The following RASGRP3 variants were observed in gnomAD, a reference collection of about 807,000 sequenced individuals.
The protein encoded by RASGRP3 is ras guanyl-releasing protein 3.
In RASGRP3, 54 loss-of-function variants were observed where a neutral mutation model predicts 82.7. That is an observed-to-expected ratio of 0.65 (90% confidence interval 0.52 to 0.82). The LOEUF is 0.82. RASGRP3 is among the 40% of genes least tolerant of loss of function. RASGRP3 has a pLI of 0.00. For synonymous variants in RASGRP3, 309 were observed against 300.5 expected, an observed-to-expected ratio of 1.03 and a Z score of -0.29; for missense variants, 861 against 828.9, an observed-to-expected ratio of 1.04 and a Z score of -0.48.
chr2:33,560,143 C>G (rs181488001), intron 17 of RASGRP3, among the ~76,000 whole-genome samples: 2 of 152,300 alleles, frequency 1.3e-5, no homozygotes, highest in East Asian at 3.9e-4. Context: ...AGTATACTCA[C>G]AAAGTTGTGC....
chr2:33,530,888 T>C (rs1673056248), intron 10 of RASGRP3: 1 of 152,224 alleles, frequency 6.6e-6, no homozygotes, highest in African/African-American at 2.4e-5. Flanking sequence ...GACATTTGCC[T>C]TACATCCCAA....
At chr2:33,495,347 A>G (rs1669210094) in intron 1 of RASGRP3, among the ~76,000 whole-genome samples, 1 of 152,236 alleles carries the variant, frequency 6.6e-6, no homozygotes, top group Non-Finnish European at 1.5e-5. Context: ...CATAAGGAGC[A>G]TATAACTTAG....
chr2:33,502,023 A>T (rs181522208), intron 1 of RASGRP3, among the ~76,000 whole-genome samples: 45 of 152,282 alleles, frequency 3.0e-4, no homozygotes, highest in Admixed American at 1.1e-3. Flanking sequence ...ACAGAGCTTG[A>T]TTTGGGTGGT....
At chr2:33,470,875 C>T (rs6714693) in intron 2 of RASGRP3, among the ~76,000 whole-genome samples, 80,306 of 151,892 alleles carry the variant, frequency 0.53, 22,094 homozygotes, top group Non-Finnish European at 0.59. Flanking sequence ...ATGAATATTA[C>T]TCAATCTGCA....
chr2:33,553,644 C>T (rs1368233327), intron 14 of RASGRP3, among the ~76,000 whole-genome samples: 1 of 152,198 alleles, frequency 6.6e-6, no homozygotes, highest in Non-Finnish European at 1.5e-5. Context: ...ATGCCCCTCT[C>T]TCTTCCAGCC....
At chr2:33,496,539 G>C (rs1487938237) in intron 1 of RASGRP3, among the ~76,000 whole-genome samples, 1 of 152,164 alleles carries the variant, frequency 6.6e-6, no homozygotes, top group African/African-American at 2.4e-5. Context: ...TAGATGACAT[G>C]AGGAATTTTC....
At chr2:33,559,707 C>T (rs1676437883) in intron 17 of RASGRP3, 1 of 498,544 alleles carries the variant, frequency 2.0e-6, no homozygotes, top group African/African-American at 1.9e-5. Flanking sequence ...GCATGATATT[C>T]CTAACATTTA....
At chr2:33,546,856 C>G (rs1333035654) in intron 13 of RASGRP3, among the ~76,000 whole-genome samples, 1 of 151,974 alleles carries the variant, frequency 6.6e-6, no homozygotes, top group Non-Finnish European at 1.5e-5. Context: ...ACACCTGAGT[C>G]GGGAGCTCGA....
intron 2 of RASGRP3, among the ~76,000 whole-genome samples, chr2:33,461,135 C>G (rs1437512035): frequency 6.6e-6 from 1 of 152,208 alleles, no homozygotes; most frequent in Non-Finnish European, 1.5e-5. Flanking sequence ...AATCCCTTGC[C>G]TCTCAATTTG....
chr2:33,552,741 A>AGATGTT lies in RASGRP3; in HGVS notation c.1543-2790_1543-2789insGATGTT, dbSNP rs557040694. On this transcript the variant is annotated intron_variant, in intron 14 of 17. Transcript: ENST00000403687. ...ATTCCAGAACTGAAAGAGTGTTAGTAATTCCCTTATTTTGTAGATGAAGAA... is the reference window on the plus strand; with the variant it reads ...ATTCCAGAACTGAAAGAGTGTTAGTAGATGTTATTCCCTTATTTTGTAGATGAAGAA... Among the ~76,000 whole-genome samples, 415 of 152,286 alleles carry AGATGTT rather than the reference A, an allele frequency of 2.7e-3. 3 individuals carry two copies. Among genetic ancestry groups the AGATGTT allele is most frequent in the African/African-American group, 9.8e-3 (406 of 41,572 alleles).
At chr2:33,538,306 C>A (rs1445720885) in intron 11 of RASGRP3, among the ~76,000 whole-genome samples, 1 of 152,024 alleles carries the variant, frequency 6.6e-6, no homozygotes, top group East Asian at 1.9e-4. Flanking sequence ...AGTTCGAGAC[C>A]AGCCTGGCCA....
chr2:33,529,419 C>T (rs933925374), intron 10 of RASGRP3, among the ~76,000 whole-genome samples: 19 of 135,922 alleles, frequency 1.4e-4, no homozygotes, highest in Admixed American at 1.4e-3. Flanking sequence ...GGCGTGAATC[C>T]GGGAGGTGGA....
chr2:33,477,944 T>C (rs1167107974), intron 1 of RASGRP3, among the ~76,000 whole-genome samples: 1 of 152,202 alleles, frequency 6.6e-6, no homozygotes, highest in African/African-American at 2.4e-5. Context: ...TGCGCTTGTT[T>C]CCTCGTGTGA....
chr2:33,508,674 T>C (rs1032058438), intron 1 of RASGRP3, among the ~76,000 whole-genome samples: 1 of 152,222 alleles, frequency 6.6e-6, no homozygotes. Context: ...GGAGAAAATG[T>C]ACAAAAGCCA....
At chr2:33,555,398 G>T in intron 14 of RASGRP3, 133 bp from the exon 15 acceptor site, 1 of 584,694 alleles carries the variant, frequency 1.7e-6, no homozygotes, top group Non-Finnish European at 3.0e-6. Context: ...TGGCAGGAAG[G>T]GTGTTAAAAG....
chr2:33,548,640 C>T (rs1675066706), intron 13 of RASGRP3, among the ~76,000 whole-genome samples: 1 of 151,970 alleles, frequency 6.6e-6, no homozygotes, highest in African/African-American at 2.4e-5. Flanking sequence ...GGTGTGATCG[C>T]CAGCAAATGC....
chr2:33,439,046 C>T (rs1026157623), intron 1 of RASGRP3, among the ~76,000 whole-genome samples: 16 of 152,090 alleles, frequency 1.1e-4, no homozygotes, highest in African/African-American at 2.4e-4. Context: ...GGGTATTGCA[C>T]GATGATTCTT....
chr2:33,451,334 T>C (rs1665789124), intron 2 of RASGRP3, among the ~76,000 whole-genome samples: 1 of 152,186 alleles, frequency 6.6e-6, no homozygotes, highest in Non-Finnish European at 1.5e-5. Context: ...AATACATAGT[T>C]TTCAAATATT....
At chr2:33,500,736 C>G (rs1380124943) in intron 1 of RASGRP3, among the ~76,000 whole-genome samples, 2 of 152,136 alleles carry the variant, frequency 1.3e-5, no homozygotes, top group African/African-American at 4.8e-5. Flanking sequence ...GAGTTTGAGA[C>G]CAGCCTGGCC....
Sources: allele counts gnomAD v4.1 joint callset (sites outside exome capture counted in the v4.1 genomes callset), GRCh38; gene constraint gnomAD v4.1.1; transcripts MANE v1.5; gene names NCBI Gene and HGNC (gene_info 2026-07-23, HGNC 2026-07-21).